Variants in DEDD2 observed in about 807,000 individuals in gnomAD.
DEDD2 encodes the protein death effector domain containing 2.
DEDD2 carries 18 observed loss-of-function variants against 28.9 expected under a neutral mutation model. The observed-to-expected ratio is 0.62, with a 90% CI of 0.43 to 0.92. DEDD2 has a LOEUF of 0.92. DEDD2 is among the 40% of genes least tolerant of loss of function. The pLI is 0.00. For missense variants in DEDD2, 411 were observed against 463.3 expected (o/e 0.89, Z 1.04); for synonymous variants, 211 against 206.1 (o/e 1.02, Z -0.20).
Position 42,199,720 on chromosome 19 carries a change from C to T in DEDD2, c.699G>A (p.Gly233=). Residue 233 remains glycine (G), a synonymous_variant, in exon 5 of 5, where the codon GGG becomes GGA. Coordinates refer to ENST00000596251, the MANE Select transcript of DEDD2 (RefSeq NM_133328.4). This position sits in a 1 kb window ranked among gnomAD's most constrained non-coding sequence, Gnocchi z 7.4. ...TTGAGCGCAGCACTGCGGTGGCCTG[C>T]CCAAACACGTCCAGCTGCCGCGCCA... ...QALARQLDVF[G]QATAVLRSRD... is the part of the protein sequence containing the mutation. 6.2e-7 allele frequency: 1 copy of T among 1,613,976 alleles called. No homozygotes were observed. Among genetic ancestry groups the T allele is most frequent in the Non-Finnish European group, 8.5e-7 (1 of 1,179,906 alleles).
At chr19:42,208,069 G>A (rs1038211244) in intron 4 of DEDD2, among the ~76,000 whole-genome samples, 1 of 152,154 alleles carries the variant, frequency 6.6e-6, no homozygotes, top group South Asian at 2.1e-4. Flanking sequence ...ACATCAGCCT[G>A]GCTGCCACTT....
upstream of DEDD2, among the ~76,000 whole-genome samples, chr19:42,218,375 T>A (rs970241434): frequency 1.3e-5 from 2 of 151,870 alleles, no homozygotes; most frequent in African/African-American, 4.8e-5. Context: ...ATGGCGTCCA[T>A]CACGACCCCC....
At chr19:42,209,037 A>G (rs549328322) in intron 4 of DEDD2, among the ~76,000 whole-genome samples, 4 of 152,178 alleles carry the variant, frequency 2.6e-5, no homozygotes, top group Admixed American at 6.5e-5. Context: ...CAGGAGTTCA[A>G]GACCAGCCTG....
In DEDD2 at chr19:42,215,160, T is replaced by C. The variant is rs367584450; in HGVS notation, c.421A>G (p.Asn141Asp). ...GTCTCCCACTGACCCTGCTGAGAAT[T>C]TGCAGAACTGCTTGACTGCCGACGG... ...RRRRQSSSSA[N>D]SQQGQWETGS... Residue 141 changes from asparagine (N) to aspartate (D), a missense_variant, in exon 3 of 5, where the codon AAT (asparagine) becomes GAT (aspartate). Around this residue, in one of 2 missense-constraint regions of DEDD2, gnomAD observed 282 missense variants for 273.4 expected, o/e 1.03. Coordinates refer to ENST00000596251, the MANE Select transcript of DEDD2 (RefSeq NM_133328.4). 1 of 1,614,110 alleles carries C rather than the reference T, an allele frequency of 6.2e-7. No individual in the cohort carries two copies. The highest frequency in any genetic ancestry group is 8.5e-7 in the Non-Finnish European group (1 of 1,180,016).
chr19:42,211,142 T>C (rs2035743905), intron 3 of DEDD2, among the ~76,000 whole-genome samples: 1 of 151,430 alleles, frequency 6.6e-6, no homozygotes, highest in African/African-American at 2.4e-5. Flanking sequence ...GGTTCATGTC[T>C]GTAATCCCAG....
chr19:42,217,964 T>C (rs1461742020), upstream of DEDD2, among the ~76,000 whole-genome samples: 6 of 152,338 alleles, frequency 3.9e-5, no homozygotes, highest in Admixed American at 2.6e-4. Context: ...ACCGGGGCCA[T>C]GTAGCGCCAC....
intron 2 of DEDD2, among the ~76,000 whole-genome samples, chr19:42,216,374 G>A (rs914985282): frequency 6.6e-6 from 1 of 152,198 alleles, no homozygotes; most frequent in Admixed American, 6.5e-5. Flanking sequence ...ACAGTAACAG[G>A]ACTTCCTTGT....
intron 4 of DEDD2, among the ~76,000 whole-genome samples, chr19:42,200,181 C>T (rs1426201048): frequency 6.6e-6 from 1 of 152,208 alleles, no homozygotes; most frequent in African/African-American, 2.4e-5. Context: ...ACCCACCCAG[C>T]CCTCTCTGCA....
intron 1 of DEDD2, 65 bp from the exon 2 acceptor site, chr19:42,217,110 C>T: frequency 8.0e-7 from 1 of 1,246,920 alleles, no homozygotes; most frequent in Non-Finnish European, 1.1e-6. Flanking sequence ...CCCACACCGC[C>T]AGCGCGTCTC....
intron 1 of DEDD2, 47 bp from the exon 2 acceptor site, chr19:42,217,092 G>T: frequency 1.4e-6 from 2 of 1,382,668 alleles, no homozygotes; most frequent in Non-Finnish European, 1.0e-6. Context: ...CGACGCGGAG[G>T]CCCGAACCCC....
Position 42,199,925 on chromosome 19 carries a change from C to T in DEDD2, c.590-96G>A. The T allele has an allele frequency of 1.4e-6, 2 of 1,463,454 alleles. No homozygotes were observed. 90.7% of individuals were successfully genotyped at this position (1,463,454 alleles called of 1,614,324 possible). ...CCTCCCTCCAGCCTTCTCCCTCCAC[C>T]CCCTTCCGGTAGCCACACCCTAGTC... On this transcript the variant is annotated intron_variant, in intron 4 of 4. Transcript: ENST00000596251. This position sits in a 1 kb window ranked among gnomAD's most constrained non-coding sequence, Gnocchi z 7.4.
chr19:42,213,280 G>A (rs1435146353), intron 3 of DEDD2, among the ~76,000 whole-genome samples: 1 of 152,106 alleles, frequency 6.6e-6, no homozygotes, highest in Admixed American at 6.5e-5. Flanking sequence ...AAAGAAAAAA[G>A]AAAAAGAATT....
At chr19:42,201,387 AAGAG>A (rs2035324054) in intron 4 of DEDD2, among the ~76,000 whole-genome samples, 2 of 152,248 alleles carry the variant, frequency 1.3e-5, no homozygotes, top group Admixed American at 1.3e-4. Context: ...GAGGATTAAA[AAGAG>A]AGCAATGGAT....
intron 4 of DEDD2, among the ~76,000 whole-genome samples, chr19:42,203,234 C>T (rs2035401858): frequency 6.6e-6 from 1 of 152,174 alleles, no homozygotes; most frequent in African/African-American, 2.4e-5. Flanking sequence ...AAATACACAA[C>T]TAAAAGACAT....
At position 42,215,170 on chromosome 19, in the gene DEDD2, G is replaced by A; in HGVS notation, c.411C>T (p.Ser137=). 1 of 1,614,154 alleles carries A rather than the reference G, an allele frequency of 6.2e-7. No individual in the cohort carries two copies. Residue 137 remains serine, a synonymous_variant, in exon 3 of 5, where the codon AGC becomes AGT. Transcript: ENST00000596251. The part of the protein sequence containing the change: ...EGSCRRRRQS[S]SSANSQQGQW... ...GACCCTGCTGAGAATTTGCAGAACT[G>A]CTTGACTGCCGACGGCGACGGCAGC...
chr19:42,215,053 C>T, intron 3 of DEDD2, 80 bp downstream of exon 3: 2 of 1,567,670 alleles, frequency 1.3e-6, no homozygotes, highest in South Asian at 1.2e-5. Flanking sequence ...ACAGAATAAC[C>T]CCTCAGGCCC....
In DEDD2 at chr19:42,215,206, C is replaced by T; in HGVS notation, c.375G>A (p.Arg125=). 1 of 1,613,606 alleles carries T rather than the reference C, an allele frequency of 6.2e-7. No homozygotes were observed. Among genetic ancestry groups the T allele is most frequent in the Non-Finnish European group, 8.5e-7 (1 of 1,179,810 alleles). Residue 125 remains arginine (R), a synonymous_variant, in exon 3 of 5, where the codon AGG becomes AGA. Coordinates refer to ENST00000596251, the MANE Select transcript of DEDD2 (RefSeq NM_133328.4). ...GACGGCGACGGCAGCTACCCTCTGT[C>T]CTCTTTGAAGAGCTGGAGGTGCCAT... ...YSYGTSSSSK[R]TEGSCRRRRQ...
chr19:42,200,030 C>T (rs908715281), intron 4 of DEDD2, among the ~76,000 whole-genome samples: 6 of 152,164 alleles, frequency 3.9e-5, no homozygotes, highest in Non-Finnish European at 7.3e-5. Flanking sequence ...CTCCTCACTG[C>T]TCCAACAAGC....
chr19:42,213,913 G>T (rs889022413), intron 3 of DEDD2, among the ~76,000 whole-genome samples: 1 of 152,142 alleles, frequency 6.6e-6, no homozygotes. Context: ...CAGAGAATTC[G>T]TGTTTATTTT....
Sources: gnomAD v4.1 joint callset for allele counts (sites outside exome capture counted in the v4.1 genomes callset) on GRCh38, gnomAD v4.1.1 for gene constraint, gnomAD v4.1.1 regional missense constraint, Gnocchi (gnomAD v3.1) non-coding constraint, MANE v1.5 for transcripts, NCBI Gene and HGNC (gene_info 2026-07-23, HGNC 2026-07-21) for gene names.